HADHA: variants seen among roughly 807,000 people sequenced by gnomAD.
HADHA encodes trifunctional enzyme subunit alpha, mitochondrial.
Under a neutral mutation model 91.3 loss-of-function variants are expected in HADHA, and 59 were observed. The ratio of observed to expected loss-of-function variants is 0.65; its 90% CI spans 0.52 to 0.80. HADHA has a LOEUF of 0.80. HADHA is among the 30% of genes least tolerant of loss of function. HADHA has a pLI of 0.00. For synonymous variants in HADHA, 320 were observed against 338.9 expected (o/e 0.94, Z 0.61); for missense variants, 800 against 927.6 (o/e 0.86, Z 1.79).
chr2:26,220,693 C>G (rs1233095434), intron 7 of HADHA, among the ~76,000 whole-genome samples: 1 of 152,146 alleles, frequency 6.6e-6, no homozygotes, highest in African/African-American at 2.4e-5. Flanking sequence ...TTCTTGGTAT[C>G]TGTTAGTAAA....
chr2:26,214,838 T>G lies in HADHA; in HGVS notation c.799+215A>C, dbSNP rs1348427848. On this transcript the variant is annotated intron_variant, in intron 8 of 19. Transcript: ENST00000380649. This position sits in a 1 kb window ranked among gnomAD's most constrained non-coding sequence, Gnocchi z 4.1. Reference sequence around the variant, plus strand: ...ATTTTCTAAAATGAAAAGTTTTCTATGACTCAAGGGTCATCATAAGGAAAA... The same window carrying G: ...ATTTTCTAAAATGAAAAGTTTTCTAGGACTCAAGGGTCATCATAAGGAAAA... 1.3e-5 allele frequency among the ~76,000 whole-genome samples: 2 copies of G among 152,180 alleles called. No homozygotes were observed. Among genetic ancestry groups the G allele is most frequent in the African/African-American group, 4.8e-5 (2 of 41,428 alleles).
intron 1 of HADHA, among the ~76,000 whole-genome samples, chr2:26,240,008 T>C (rs937711944): frequency 5.9e-5 from 9 of 152,206 alleles, no homozygotes; most frequent in African/African-American, 2.2e-4. Context: ...TTTCCATCAT[T>C]TGAAATCTGT....
chr2:26,239,642 AT>A (rs1468456127), intron 1 of HADHA, among the ~76,000 whole-genome samples: 4 of 152,136 alleles, frequency 2.6e-5, no homozygotes, highest in Admixed American at 2.0e-4. Flanking sequence ...TTTTCTCTTT[AT>A]CCCCCAGTTC....
intron 7 of HADHA, among the ~76,000 whole-genome samples, chr2:26,223,938 G>A (rs1670431346): frequency 6.6e-6 from 1 of 152,078 alleles, no homozygotes. Context: ...GTGGAGATGA[G>A]GTTTTGCCAT....
At chr2:26,213,004 G>A (rs893193897) in intron 9 of HADHA, among the ~76,000 whole-genome samples, 4 of 152,076 alleles carry the variant, frequency 2.6e-5, no homozygotes, top group African/African-American at 9.7e-5. Context: ...AAAATTCAAT[G>A]TAACATTTGG....
At chr2:26,193,491 G>A (rs556225196) in intron 17 of HADHA, 86 bp downstream of exon 17, 63 of 1,127,164 alleles carry the variant, frequency 5.6e-5, no homozygotes, top group East Asian at 9.4e-5. Flanking sequence ...TTTCTTCCAC[G>A]AGGGCTTCTG....
intron 16 of HADHA, 127 bp from the exon 17 acceptor site, chr2:26,193,899 A>G (rs1040477289): frequency 2.8e-6 from 2 of 726,636 alleles, no homozygotes; most frequent in Admixed American, 2.2e-5. Flanking sequence ...GACCAGGCCC[A>G]GGACTGGTGC....
At chr2:26,233,839 G>A (rs1277452142) in intron 5 of HADHA, among the ~76,000 whole-genome samples, 1 of 152,172 alleles carries the variant, frequency 6.6e-6, no homozygotes, top group Non-Finnish European at 1.5e-5. Flanking sequence ...CCAGCACTTT[G>A]GGAGGCCGAG....
intron 14 of HADHA, among the ~76,000 whole-genome samples, chr2:26,196,007 C>A (rs1669661178): frequency 6.6e-6 from 1 of 152,214 alleles, no homozygotes; most frequent in Non-Finnish European, 1.5e-5. Flanking sequence ...TTTGCTTTCT[C>A]CCTCTCACTT....
In HADHA at chr2:26,229,737, G is replaced by A. The variant is rs2891496; in HGVS notation, c.676+455C>T. On this transcript the variant is annotated intron_variant, in intron 7 of 19. Transcript: ENST00000380649. This position sits in a 1 kb window ranked among gnomAD's most constrained non-coding sequence, Gnocchi z 4.3. ...TGATGTTGAAAATGATTTAGTATTA[G>A]CTATTTTATAAAACTTCCTTCCTTA... Among the ~76,000 whole-genome samples the A allele has an allele frequency of 0.17, 26,077 of 152,110 alleles. 2,717 individuals are homozygous for A. The highest frequency in any genetic ancestry group is 0.26 in the Middle Eastern group (76 of 294).
In HADHA at chr2:26,234,207, A is replaced by G; in HGVS notation, c.453+10T>C. The G allele has an allele frequency of 6.2e-7, 1 of 1,612,212 alleles. No homozygotes were observed. The highest frequency in any genetic ancestry group is 8.5e-7 in the Non-Finnish European group (1 of 1,178,210). ...TGGACAGTGTCTCAATAACTTTAGA[A>G]TATCTATACCTCAAGTCCTCCTCCC... On this transcript the variant is annotated intron_variant, in intron 5 of 19. Transcript: ENST00000380649.
rs1371452932 is a variant in HADHA at position 26,210,775 on chromosome 2, C to T, written c.976-886G>A. 1 of 152,168 alleles carries T rather than the reference C, an allele frequency of 6.6e-6. No individual in the cohort carries two copies. The highest frequency in any genetic ancestry group is 2.4e-5 in the African/African-American group (1 of 41,436). 9.4% of individuals were successfully genotyped at this position (152,168 alleles called of 1,614,324 possible). On this transcript the variant is annotated intron_variant, in intron 10 of 19. Coordinates refer to ENST00000380649, the MANE Select transcript of HADHA (RefSeq NM_000182.5). This position sits in a 1 kb window ranked among gnomAD's most constrained non-coding sequence, Gnocchi z 4.0. ...GCATAATATCTAGGATTTGACAGAT[C>T]CTGTCTCTGCCACTGCCCCATTGTG...
At chr2:26,206,226 A>ATTT (rs35956519) in intron 11 of HADHA, among the ~76,000 whole-genome samples, 4 of 139,582 alleles carry the variant, frequency 2.9e-5, no homozygotes, top group African/African-American at 2.6e-5. Flanking sequence ...CAGACTGGCA[A>ATTT]TTTTTTTTTT....
intron 13 of HADHA, among the ~76,000 whole-genome samples, chr2:26,198,384 T>G (rs1300148913): frequency 1.3e-5 from 2 of 151,956 alleles, no homozygotes; most frequent in Non-Finnish European, 2.9e-5. Flanking sequence ...TTTTTTGTTT[T>G]TTTTTTTTAA....
intron 11 of HADHA, among the ~76,000 whole-genome samples, chr2:26,206,431 G>T (rs970017526): frequency 6.6e-6 from 1 of 152,010 alleles, no homozygotes; most frequent in Admixed American, 6.6e-5. Context: ...GTTTCACCAT[G>T]TTGGCCAGGC....
intron 13 of HADHA, among the ~76,000 whole-genome samples, chr2:26,200,684 A>G (rs1466528302): frequency 6.6e-6 from 1 of 152,180 alleles, no homozygotes; most frequent in Non-Finnish European, 1.5e-5. Context: ...TTTATAACAT[A>G]TGCAGTGTGC....
In HADHA at chr2:26,191,205, G is replaced by C; in HGVS notation, c.*45C>G. On this transcript the variant is annotated 3_prime_UTR_variant, in exon 20 of 20. Coordinates refer to ENST00000380649, the MANE Select transcript of HADHA (RefSeq NM_000182.5). ...ACTCTGTTGGAGAACCAGCACTGCC[G>C]GCAGCTGGGGTTAGTGCACTGACTG... 2 of 1,593,078 alleles carry C rather than the reference G, an allele frequency of 1.3e-6. No homozygotes were observed. The highest frequency in any genetic ancestry group is 2.2e-5 in the South Asian group (2 of 90,556).
rs147042247 is a variant in HADHA, at chr2:26,215,132, T to G, written c.720A>C (p.Leu240=). Residue 240 remains leucine, a synonymous_variant, in exon 8 of 20, where the codon CTA becomes CTC. Coordinates refer to ENST00000380649, the MANE Select transcript of HADHA (RefSeq NM_000182.5). ...TGGCAAAAGTAATTGCAACTTCTTC[T>G]AGGTATTCTATTGTCCGTTCCTCTG... The part of the protein sequence containing the change: ...KPPEERTIEY[L]EEVAITFAKG... 3 of 1,608,342 alleles carry G rather than the reference T, an allele frequency of 1.9e-6. No homozygotes were observed. Among genetic ancestry groups the G allele is most frequent in the Admixed American group, 3.3e-5 (2 of 60,024 alleles).
intron 11 of HADHA, among the ~76,000 whole-genome samples, chr2:26,209,278 T>G (rs186972370): frequency 4.6e-5 from 7 of 152,282 alleles, no homozygotes; most frequent in Non-Finnish European, 8.8e-5. Context: ...GAAGAGCTAT[T>G]AGGCAGCGTA....
Sources: gnomAD v4.1 joint callset for allele counts (sites outside exome capture counted in the v4.1 genomes callset) on GRCh38, gnomAD v4.1.1 for gene constraint, Gnocchi (gnomAD v3.1) non-coding constraint, MANE v1.5 for transcripts, NCBI Gene and HGNC (gene_info 2026-07-23, HGNC 2026-07-21) for gene names.